The following ARPP21 variants were observed in gnomAD, a reference collection of about 807,000 sequenced individuals.
The protein encoded by ARPP21 is cAMP regulated phosphoprotein 21, also known as cAMP-regulated phosphoprotein 21.
ARPP21 carries 69 observed loss-of-function variants against 113.2 expected under a neutral mutation model. The observed-to-expected ratio is 0.61, with a 90% CI of 0.50 to 0.74. The LOEUF is 0.74. ARPP21 is among the 30% of genes least tolerant of loss of function. ARPP21 has a pLI of 0.00. For missense variants in ARPP21, 1,070 were observed against 1,037.4 expected (o/e 1.03, Z -0.43); for synonymous variants, 368 against 375.5 (o/e 0.98, Z 0.23).
chr3:35,740,321 T>A (rs2094580437), intron 18 of ARPP21, among the ~76,000 whole-genome samples: 1 of 152,320 alleles, frequency 6.6e-6, no homozygotes, highest in South Asian at 2.1e-4. Flanking sequence ...CATTTTCTGG[T>A]CCATTTTCAA....
At chr3:35,685,457 A>C in intron 5 of ARPP21, 1 of 985,266 alleles carries the variant, frequency 1.0e-6, no homozygotes, top group South Asian at 4.7e-5. Context: ...TTAGAGAATA[A>C]AGAAACAGAC....
At chr3:35,746,541 C>T (rs1266907339) in intron 19 of ARPP21, among the ~76,000 whole-genome samples, 1 of 152,134 alleles carries the variant, frequency 6.6e-6, no homozygotes, top group Non-Finnish European at 1.5e-5. Context: ...AGCATGTCAC[C>T]CTCCCACAGT....
At chr3:35,777,402 A>G (rs1032316097) in intron 19 of ARPP21, among the ~76,000 whole-genome samples, 1 of 152,210 alleles carries the variant, frequency 6.6e-6, no homozygotes, top group Non-Finnish European at 1.5e-5. Flanking sequence ...GCAACTTCCC[A>G]GAGTCTCACA....
intron 1 of ARPP21, among the ~76,000 whole-genome samples, chr3:35,674,820 G>A (rs2077094452): frequency 6.6e-6 from 1 of 151,910 alleles, no homozygotes; most frequent in Non-Finnish European, 1.5e-5. Context: ...ATATGCTCAG[G>A]ACATTTCTGT....
At chr3:35,710,950 T>C (rs1201946949) in intron 11 of ARPP21, among the ~76,000 whole-genome samples, 1 of 152,228 alleles carries the variant, frequency 6.6e-6, no homozygotes, top group Non-Finnish European at 1.5e-5. Flanking sequence ...GAAGCATCTA[T>C]GCCCACATGC....
intron 1 of ARPP21, among the ~76,000 whole-genome samples, chr3:35,670,736 A>G (rs2076137280): frequency 6.6e-6 from 1 of 152,104 alleles, no homozygotes; most frequent in African/African-American, 2.4e-5. Context: ...GAAAAAAAAG[A>G]AAAACACGCA....
chr3:35,686,396 C>G (rs561146599), intron 5 of ARPP21, among the ~76,000 whole-genome samples: 47 of 151,664 alleles, frequency 3.1e-4, no homozygotes, highest in Non-Finnish European at 6.1e-4. Flanking sequence ...AGTTGGAAAA[C>G]TCAGCTAAGA....
intron 17 of ARPP21, 127 bp downstream of exon 17, chr3:35,738,445 G>T: frequency 1.5e-6 from 1 of 675,696 alleles, no homozygotes. Context: ...GGGTATGTGC[G>T]AATGTCTCAT....
chr3:35,682,799 T>G, intron 3 of ARPP21, 49 bp from the exon 4 acceptor site: 1 of 1,543,094 alleles, frequency 6.5e-7, no homozygotes, highest in Non-Finnish European at 8.8e-7. Context: ...TTACTGTTCG[T>G]TTTTGTTTGT....
intron 6 of ARPP21, among the ~76,000 whole-genome samples, chr3:35,688,828 T>C (rs969111131): frequency 6.6e-6 from 1 of 151,586 alleles, no homozygotes; most frequent in African/African-American, 2.4e-5. Flanking sequence ...GAATATTTAG[T>C]GTCCTCCTGT....
At chr3:35,726,929 C>A (rs577157281) in intron 14 of ARPP21, among the ~76,000 whole-genome samples, 2 of 152,154 alleles carry the variant, frequency 1.3e-5, no homozygotes, top group South Asian at 4.1e-4. Flanking sequence ...AAATGTGTAA[C>A]GTAGCATCAA....
chr3:35,761,571 C>A (rs1432217856), intron 19 of ARPP21, among the ~76,000 whole-genome samples: 1 of 151,980 alleles, frequency 6.6e-6, no homozygotes, highest in African/African-American at 2.4e-5. Context: ...GCTAAAAAAA[C>A]AAACAAACAA....
chr3:35,786,785 C>A (rs2096643879), intron 19 of ARPP21, among the ~76,000 whole-genome samples: 2 of 152,176 alleles, frequency 1.3e-5, no homozygotes, highest in Non-Finnish European at 2.9e-5. Flanking sequence ...TGATAGGCTT[C>A]ATTGTGAGTG....
chr3:35,780,725 C>T (rs2096504793), intron 19 of ARPP21, among the ~76,000 whole-genome samples: 1 of 152,158 alleles, frequency 6.6e-6, no homozygotes, highest in Admixed American at 6.6e-5. Flanking sequence ...ATGTTTGAGC[C>T]GCAACCGAAA....
chr3:35,688,209 A>G (rs1203451746), intron 6 of ARPP21, among the ~76,000 whole-genome samples: 1 of 151,584 alleles, frequency 6.6e-6, no homozygotes, highest in African/African-American at 2.4e-5. Flanking sequence ...ATTAACTTGG[A>G]TTGGTGAACA....
intron 9 of ARPP21, among the ~76,000 whole-genome samples, chr3:35,695,447 A>G (rs943432931): frequency 1.1e-4 from 16 of 151,592 alleles, no homozygotes; most frequent in Non-Finnish European, 1.9e-4. Flanking sequence ...AACGTTTTAC[A>G]CTATAGTTAT....
intron 19 of ARPP21, among the ~76,000 whole-genome samples, chr3:35,779,542 C>T (rs1231046225): frequency 6.6e-6 from 1 of 151,548 alleles, no homozygotes; most frequent in African/African-American, 2.4e-5. Flanking sequence ...TCACCACATC[C>T]ATTGTGCATA....
chr3:35,652,227 A>G (rs1702689402), intron 1 of ARPP21, among the ~76,000 whole-genome samples: 1 of 152,118 alleles, frequency 6.6e-6, no homozygotes, highest in Non-Finnish European at 1.5e-5. Context: ...AATACTGTAG[A>G]GAGTTTAGTC....
chr3:35,763,104 T>C (rs1053474350), intron 19 of ARPP21, among the ~76,000 whole-genome samples: 16 of 151,800 alleles, frequency 1.1e-4, no homozygotes, highest in Admixed American at 3.9e-4. Context: ...TAGACAAGAG[T>C]TCTAATAATA....
Sources: allele counts gnomAD v4.1 joint callset (sites outside exome capture counted in the v4.1 genomes callset), GRCh38; gene constraint gnomAD v4.1.1; transcripts MANE v1.5; gene names NCBI Gene and HGNC (gene_info 2026-07-23, HGNC 2026-07-21).